Variants in LPIN2 observed in about 807,000 individuals in gnomAD.
LPIN2 encodes phosphatidate phosphatase LPIN2.
In LPIN2, 55 loss-of-function variants were observed where a neutral mutation model predicts 111.4. The observed-to-expected ratio is 0.49, with a 90% CI of 0.40 to 0.62. The LOEUF (loss-of-function observed/expected upper bound fraction) is 0.62, where lower values mean the gene tolerates loss of function less well. Ranked by LOEUF, LPIN2 falls within the 20% of genes least tolerant of loss-of-function variation. The pLI, the probability that LPIN2 is intolerant of heterozygous loss-of-function variation, is 0.00. For synonymous variants in LPIN2, 425 were observed against 414.0 expected (o/e 1.03, Z -0.32); for missense variants, 992 against 1,112.1 (o/e 0.89, Z 1.54).
intron 1 of LPIN2, among the ~76,000 whole-genome samples, chr18:2,964,430 G>A (rs948818901): frequency 6.6e-6 from 1 of 152,112 alleles, no homozygotes. Flanking sequence ...CCTTTGGGAA[G>A]TAATTAGGTT....
intron 4 of LPIN2, chr18:2,945,668 A>G (rs2077440166): frequency 6.3e-6 from 9 of 1,425,794 alleles, no homozygotes; most frequent in Admixed American, 1.7e-5. Flanking sequence ...GTCATAGTTA[A>G]TAACTTCGCT....
intron 9 of LPIN2, among the ~76,000 whole-genome samples, chr18:2,929,475 GACAGAC>G (rs1252010563): frequency 3.3e-5 from 5 of 152,084 alleles, no homozygotes; most frequent in African/African-American, 1.2e-4. Flanking sequence ...CAGAAAGACA[GACAGAC>G]ACACACACAC....
chr18:3,005,675 T>TCACACA (rs2078503109), intron 1 of LPIN2, among the ~76,000 whole-genome samples: 2 of 47,834 alleles, frequency 4.2e-5, no homozygotes, highest in Non-Finnish European at 8.0e-5. Context: ...AGACACTATC[T>TCACACA]TACACACACA....
intron 1 of LPIN2, among the ~76,000 whole-genome samples, chr18:2,973,327 A>G (rs1336386026): frequency 6.6e-6 from 1 of 152,190 alleles, no homozygotes; most frequent in African/African-American, 2.4e-5. Flanking sequence ...CTGCTCTCCA[A>G]AATGCCCAAA....
intron 1 of LPIN2, among the ~76,000 whole-genome samples, chr18:2,988,723 A>T (rs1198827575): frequency 6.6e-6 from 1 of 152,252 alleles, no homozygotes; most frequent in Non-Finnish European, 1.5e-5. Flanking sequence ...ATGTCAAGAC[A>T]CAGATAGGAT....
At chr18:2,969,520 G>C (rs566699658) in intron 1 of LPIN2, among the ~76,000 whole-genome samples, 7 of 152,282 alleles carry the variant, frequency 4.6e-5, no homozygotes, top group Admixed American at 1.3e-4. Flanking sequence ...ACTGTTTGAA[G>C]TCGCAGTCAG....
At chr18:2,927,071 G>A (rs189590004) in intron 12 of LPIN2, among the ~76,000 whole-genome samples, 5 of 152,252 alleles carry the variant, frequency 3.3e-5, no homozygotes, top group Admixed American at 3.3e-4. Flanking sequence ...CATAATACAA[G>A]CGACCCAAAC....
At chr18:2,950,804 T>A (rs965746538) in intron 4 of LPIN2, 1 of 532,882 alleles carries the variant, frequency 1.9e-6, no homozygotes, top group Non-Finnish European at 3.4e-6. Flanking sequence ...TTAGAACTTA[T>A]TTGGCTCCTG....
rs141874771 is a variant in LPIN2 at position 2,945,521 on chromosome 18, T to C, written c.591-4809A>G. ...ACAGTATTAAAAATTCTGAAATACG[T>C]AATAGCCTTCCTCCCATCTCCCACT... On this transcript the variant is annotated intron_variant, in intron 4 of 19. Coordinates refer to ENST00000677752, the MANE Select transcript of LPIN2 (RefSeq NM_001375808.2). 9.0e-4 allele frequency: 1,021 copies of C among 1,137,890 alleles called. 9 individuals are homozygous for C. In the African/African-American group the frequency reaches 0.014, roughly 15 times the overall value. 70.5% of individuals were successfully genotyped at this position (1,137,890 alleles called of 1,614,324 possible). A position where few individuals can be genotyped will look rare whatever the true frequency, so the allele number is the denominator to read the frequency against.
chr18:2,963,839 CA>C (rs5822729), intron 1 of LPIN2, among the ~76,000 whole-genome samples: 18,350 of 151,918 alleles, frequency 0.12, 1,310 homozygotes, highest in South Asian at 0.17. Flanking sequence ...TAACAAATAC[CA>C]AAAATGCTTC....
intron 1 of LPIN2, among the ~76,000 whole-genome samples, chr18:2,975,701 T>C (rs1005983342): frequency 2.6e-5 from 4 of 152,206 alleles, no homozygotes; most frequent in Non-Finnish European, 1.5e-5. Flanking sequence ...GTCCTTATCC[T>C]AAACCTTCTA....
chr18:2,974,020 G>C (rs995548119), intron 1 of LPIN2, among the ~76,000 whole-genome samples: 1 of 152,136 alleles, frequency 6.6e-6, no homozygotes, highest in African/African-American at 2.4e-5. Flanking sequence ...ATTTTATTTG[G>C]ATATTTTAAA....
At chr18:2,936,505 G>A (rs1412163927) in intron 7 of LPIN2, among the ~76,000 whole-genome samples, 1 of 152,142 alleles carries the variant, frequency 6.6e-6, no homozygotes, top group Non-Finnish European at 1.5e-5. Flanking sequence ...AGAGTGCAGT[G>A]GTGCAATCAC....
At chr18:2,947,041 A>G (rs1306107921) in intron 4 of LPIN2, among the ~76,000 whole-genome samples, 6 of 152,226 alleles carry the variant, frequency 3.9e-5, no homozygotes, top group Non-Finnish European at 7.3e-5. Context: ...CTAGAAGCCA[A>G]TTACCGATCA....
At chr18:2,983,019 G>T in intron 1 of LPIN2, 1 of 300,030 alleles carries the variant, frequency 3.3e-6, no homozygotes, top group South Asian at 2.9e-5. Context: ...TGTGCCATGT[G>T]TTTACACTGA....
At chr18:2,991,699 G>A (rs968053616) in intron 1 of LPIN2, among the ~76,000 whole-genome samples, 1 of 152,012 alleles carries the variant, frequency 6.6e-6, no homozygotes, top group African/African-American at 2.4e-5. Flanking sequence ...GCACCAGAAT[G>A]AGGGCCTGTC....
intron 1 of LPIN2, among the ~76,000 whole-genome samples, chr18:3,010,452 G>A (rs2298541): frequency 0.058 from 8,767 of 152,128 alleles, 376 homozygotes; most frequent in East Asian, 0.18. Context: ...GGTAGGTCAC[G>A]AGACTCTGGG....
intron 12 of LPIN2, among the ~76,000 whole-genome samples, chr18:2,927,429 A>T (rs762265631): frequency 3.3e-5 from 5 of 152,208 alleles, no homozygotes; most frequent in African/African-American, 9.7e-5. Context: ...CAGGCTCTGG[A>T]GTCAGACTCA....
chr18:2,995,423 TCTC>T (rs2078326374), intron 1 of LPIN2, among the ~76,000 whole-genome samples: 1 of 152,242 alleles, frequency 6.6e-6, no homozygotes, highest in Non-Finnish European at 1.5e-5. Context: ...CCCAGTGTCT[TCTC>T]TTCTTCCAAG....
Sources: gnomAD v4.1 joint callset for allele counts (sites outside exome capture counted in the v4.1 genomes callset) on GRCh38, gnomAD v4.1.1 for gene constraint, MANE v1.5 for transcripts, NCBI Gene and HGNC (gene_info 2026-07-23, HGNC 2026-07-21) for gene names.